Variants in SKIC8 observed in about 807,000 individuals in gnomAD.
The protein encoded by SKIC8 is SKI8 subunit of superkiller complex.
chr15:78,285,547 T>C, the SKIC8 span: 1 of 583,338 alleles, frequency 1.7e-6, no homozygotes, highest in Non-Finnish European at 3.1e-6. Context: ...GCCCTCATAT[T>C]AATTGTTCTC....
At chr15:78,288,734 A>G in the SKIC8 span, 1 of 347,238 alleles carries the variant, frequency 2.9e-6, no homozygotes, top group African/African-American at 2.1e-5. Flanking sequence ...CAAATCCTTT[A>G]TTATAGTATA....
chr15:78,287,205 T>C, the SKIC8 span, among the ~76,000 whole-genome samples: 1 of 152,092 alleles, frequency 6.6e-6, no homozygotes, highest in South Asian at 2.1e-4. Flanking sequence ...ACAGTGGCAA[T>C]AGAAATCATA....
chr15:78,284,872 G>C, the SKIC8 span: 1 of 180,772 alleles, frequency 5.5e-6, no homozygotes, highest in Non-Finnish European at 1.2e-5. Context: ...AATGACAAGC[G>C]ATGATTGTGT....
chr15:78,293,544 G>A, the SKIC8 span, among the ~76,000 whole-genome samples: 1 of 152,044 alleles, frequency 6.6e-6, no homozygotes, highest in South Asian at 2.1e-4. Flanking sequence ...CATGCTATCT[G>A]GTATATAGGA....
the SKIC8 span, among the ~76,000 whole-genome samples, chr15:78,298,378 TCACTGAAACCTCATAA>T: frequency 2.0e-5 from 3 of 152,180 alleles, no homozygotes; most frequent in African/African-American, 7.2e-5. Context: ...AAGATTTAGC[TCACTGAAACCTCATAA>T]CCCCGCTTAC....
At chr15:78,283,448 T>C in the SKIC8 span, 1 of 1,613,710 alleles carries the variant, frequency 6.2e-7, no homozygotes, top group Non-Finnish European at 8.5e-7. Flanking sequence ...TGGACAATCA[T>C]AGATGTGAAT....
the SKIC8 span, chr15:78,288,473 C>A: frequency 1.6e-6 from 2 of 1,269,290 alleles, no homozygotes; most frequent in East Asian, 4.8e-5. Context: ...TGATTATGAG[C>A]CACTGAGTTG....
At chr15:78,297,908 A>G in the SKIC8 span, among the ~76,000 whole-genome samples, 1 of 152,176 alleles carries the variant, frequency 6.6e-6, no homozygotes. Context: ...GAAGATCTCA[A>G]ATTGGTAGTG....
chr15:78,294,670 C>A, the SKIC8 span: 1 of 402,484 alleles, frequency 2.5e-6, no homozygotes, highest in Non-Finnish European at 4.5e-6. Context: ...AGCTGGGAAG[C>A]TCCATCATGT....
chr15:78,293,402 A>G, the SKIC8 span: 1 of 859,558 alleles, frequency 1.2e-6, no homozygotes, highest in Non-Finnish European at 1.7e-6. Flanking sequence ...GCTTTCCTAT[A>G]CAGCTTTTAT....
chr15:78,297,733 T>G, the SKIC8 span, among the ~76,000 whole-genome samples: 1 of 152,198 alleles, frequency 6.6e-6, no homozygotes, highest in Non-Finnish European at 1.5e-5. Context: ...TCAGCCAAGT[T>G]CACGGCCCTC....
chr15:78,294,203 A>G, the SKIC8 span, among the ~76,000 whole-genome samples: 1 of 152,194 alleles, frequency 6.6e-6, no homozygotes, highest in African/African-American at 2.4e-5. Flanking sequence ...AGTTACTTAC[A>G]CTAGCTAACC....
At chr15:78,292,546 T>C in the SKIC8 span, 1 of 1,601,940 alleles carries the variant, frequency 6.2e-7, no homozygotes, top group Non-Finnish European at 8.5e-7. Context: ...GTAAAACACA[T>C]TCTATCCCTA....
the SKIC8 span, chr15:78,283,663 T>C: frequency 4.8e-6 from 3 of 621,872 alleles, no homozygotes; most frequent in Admixed American, 6.3e-5. Flanking sequence ...TCAGTGAGAA[T>C]GGAGGCTTTA....
chr15:78,297,011 TTTATG>T, the SKIC8 span, among the ~76,000 whole-genome samples: 1 of 152,248 alleles, frequency 6.6e-6, no homozygotes, highest in Non-Finnish European at 1.5e-5. Context: ...TTTATGTGTG[TTTATG>T]TTTAAAGGCA....
At chr15:78,284,707 T>C in the SKIC8 span, 1 of 152,576 alleles carries the variant, frequency 6.6e-6, no homozygotes, top group Non-Finnish European at 1.5e-5. Context: ...TTTCACATAT[T>C]CACCTTGGCA....
chr15:78,291,502 T>C, the SKIC8 span, among the ~76,000 whole-genome samples: 1 of 152,058 alleles, frequency 6.6e-6, no homozygotes, highest in Admixed American at 6.5e-5. Flanking sequence ...TCCAAATACA[T>C]ATCCCACCCC....
At chr15:78,298,113 A>T in the SKIC8 span, among the ~76,000 whole-genome samples, 15,840 of 152,150 alleles carry the variant, frequency 0.1, 838 homozygotes, top group Middle Eastern at 0.14. Flanking sequence ...AAAGTGCTCA[A>T]GCCAGTTTGG....
the SKIC8 span, among the ~76,000 whole-genome samples, chr15:78,297,617 A>C: frequency 6.6e-6 from 1 of 152,250 alleles, no homozygotes; most frequent in East Asian, 1.9e-4. Flanking sequence ...TATATTCATA[A>C]CAAAGTCACA....
Sources: gnomAD v4.1 joint callset for allele counts (sites outside exome capture counted in the v4.1 genomes callset) on GRCh38, gnomAD v4.1.1 for gene constraint, MANE v1.5 for transcripts, NCBI Gene and HGNC (gene_info 2026-07-23, HGNC 2026-07-21) for gene names.